IGFBP7: variants seen among roughly 807,000 people sequenced by gnomAD.
The protein encoded by IGFBP7 is insulin-like growth factor-binding protein 7.
A neutral mutation model predicts 29.4 loss-of-function variants in IGFBP7; 31 were observed. That is an observed-to-expected ratio of 1.05 (90% CI 0.79 to 1.42). The LOEUF is 1.42. IGFBP7 is among the 40% of genes most tolerant of loss of function. The pLI is 0.00. For synonymous variants in IGFBP7, 172 were observed against 174.9 expected (o/e 0.98, Z 0.13); for missense variants, 393 against 395.5 (o/e 0.99, Z 0.05).
At chr4:57,048,307 C>A (rs1423258743) in intron 1 of IGFBP7, among the ~76,000 whole-genome samples, 1 of 152,108 alleles carries the variant, frequency 6.6e-6, no homozygotes, top group African/African-American at 2.4e-5. Context: ...CCTCGGCCTC[C>A]CAAAGTACTG....
rs757735611 is a variant in IGFBP7, at chr4:57,033,264, A to G, written c.633T>C (p.Gly211=). ...TCTGAATGGCCAGGTTGTCCCGGTC[A>G]CCAGGCAGGAGTTCTGTCCTTTGAA... ...YGVQRTELLP[G]DRDNLAIQTR... is the part of the protein sequence containing the mutation. Residue 211 remains glycine, a synonymous_variant, in exon 3 of 5, where the codon GGT becomes GGC. Coordinates refer to ENST00000295666, the MANE Select transcript of IGFBP7 (RefSeq NM_001553.3). 1.2e-6 allele frequency: 2 copies of G among 1,614,158 alleles called. No homozygotes were observed. The highest frequency in any genetic ancestry group is 3.3e-5 in the Admixed American group (2 of 60,028).
At chr4:57,055,444 A>G (rs1318879929) in intron 1 of IGFBP7, among the ~76,000 whole-genome samples, 1 of 152,226 alleles carries the variant, frequency 6.6e-6, no homozygotes, top group East Asian at 1.9e-4. Context: ...AAAGTTAGAA[A>G]GGAGGAGAGG....
chr4:57,084,867 T>G (rs1404895148), intron 1 of IGFBP7, among the ~76,000 whole-genome samples: 1 of 140,698 alleles, frequency 7.1e-6, no homozygotes, highest in Non-Finnish European at 1.5e-5. Flanking sequence ...CACAGCTCAC[T>G]GCAACCTCAG....
intron 1 of IGFBP7, among the ~76,000 whole-genome samples, chr4:57,082,062 C>T (rs1199042071): frequency 1.3e-5 from 2 of 152,144 alleles, no homozygotes; most frequent in African/African-American, 4.8e-5. Flanking sequence ...AGAAAATGCA[C>T]TGATTAGCAA....
chr4:57,040,987 G>C, intron 1 of IGFBP7, 54 bp from the exon 2 acceptor site: 1 of 1,113,664 alleles, frequency 9.0e-7, no homozygotes, highest in East Asian at 2.3e-5. Context: ...CTTCACATGA[G>C]TCAGCATCTT....
At chr4:57,062,699 G>A (rs905752632) in intron 1 of IGFBP7, among the ~76,000 whole-genome samples, 8 of 152,172 alleles carry the variant, frequency 5.3e-5, no homozygotes, top group South Asian at 2.1e-4. Flanking sequence ...TTTGTGTTTC[G>A]TCTTGCAAAT....
At chr4:57,067,086 G>A (rs1451124993) in intron 1 of IGFBP7, among the ~76,000 whole-genome samples, 1 of 151,890 alleles carries the variant, frequency 6.6e-6, no homozygotes, top group East Asian at 1.9e-4. Context: ...AGTCCTCATG[G>A]ATGGACAGTT....
chr4:57,082,744 T>G (rs966519734), intron 1 of IGFBP7, among the ~76,000 whole-genome samples: 4 of 152,218 alleles, frequency 2.6e-5, no homozygotes, highest in African/African-American at 9.6e-5. Context: ...AAACTGTTTA[T>G]ACATATAGTT....
intron 2 of IGFBP7, among the ~76,000 whole-genome samples, chr4:57,034,761 TC>T (rs1008713603): frequency 2.0e-4 from 31 of 152,264 alleles, no homozygotes; most frequent in African/African-American, 7.5e-4. Context: ...CAATTCCTGC[TC>T]TAGAAAAAAT....
intron 1 of IGFBP7, among the ~76,000 whole-genome samples, chr4:57,075,378 G>A (rs1725196686): frequency 6.6e-6 from 1 of 152,058 alleles, no homozygotes; most frequent in Non-Finnish European, 1.5e-5. Context: ...CTTAATCTGT[G>A]TTATTTTTAT....
chr4:57,083,221 C>A (rs1366708982), intron 1 of IGFBP7, among the ~76,000 whole-genome samples: 1 of 152,144 alleles, frequency 6.6e-6, no homozygotes, highest in African/African-American at 2.4e-5. Flanking sequence ...TTAATAAATA[C>A]TCCTAGATTA....
intron 4 of IGFBP7, chr4:57,032,223 C>G (rs1203009331): frequency 5.1e-6 from 7 of 1,362,770 alleles, no homozygotes; most frequent in African/African-American, 2.9e-5. Flanking sequence ...GCATCTAAGT[C>G]ATAATAACGA....
chr4:57,042,373 A>T (rs187852928), intron 1 of IGFBP7, among the ~76,000 whole-genome samples: 1 of 152,260 alleles, frequency 6.6e-6, no homozygotes, highest in Admixed American at 6.5e-5. Flanking sequence ...TTTTTGAGAC[A>T]GAACCTTACT....
At chr4:57,109,829 C>T (rs1167950038) in intron 1 of IGFBP7, 48 bp downstream of exon 1, 2 of 1,517,232 alleles carry the variant, frequency 1.3e-6, no homozygotes, top group African/African-American at 2.8e-5. Flanking sequence ...ATGTGCCCTT[C>T]GCTGGGCCGA....
chr4:57,105,949 C>G (rs867575554), intron 1 of IGFBP7, among the ~76,000 whole-genome samples: 13 of 146,020 alleles, frequency 8.9e-5, no homozygotes, highest in Admixed American at 2.8e-4. Flanking sequence ...CTCTTTTGCC[C>G]AGGCAGGAGT....
intron 1 of IGFBP7, among the ~76,000 whole-genome samples, chr4:57,105,785 T>C (rs62308298): frequency 0.12 from 18,206 of 152,130 alleles, 1,158 homozygotes; most frequent in East Asian, 0.2. Context: ...GTTGAAACAA[T>C]GGCTGGATGC....
chr4:57,083,029 G>A (rs1725409338), intron 1 of IGFBP7, among the ~76,000 whole-genome samples: 1 of 152,098 alleles, frequency 6.6e-6, no homozygotes, highest in Admixed American at 6.6e-5. Context: ...GCTGCAAAAT[G>A]TCCCCAAACA....
chr4:57,057,398 T>C (rs1277390284), intron 1 of IGFBP7, among the ~76,000 whole-genome samples: 2 of 152,210 alleles, frequency 1.3e-5, no homozygotes, highest in Admixed American at 1.3e-4. Context: ...CACGTGAACC[T>C]GGGGCTTATT....
At chr4:57,073,074 C>G in intron 1 of IGFBP7, 1 of 1,535,736 alleles carries the variant, frequency 6.5e-7, no homozygotes, top group Non-Finnish European at 9.0e-7. Context: ...CCCCCCACAG[C>G]TTTTAAGAAG....
Sources: gnomAD v4.1 joint callset for allele counts (sites outside exome capture counted in the v4.1 genomes callset) on GRCh38, gnomAD v4.1.1 for gene constraint, MANE v1.5 for transcripts, NCBI Gene and HGNC (gene_info 2026-07-23, HGNC 2026-07-21) for gene names.